The following EPB41 variants were observed in gnomAD, a reference collection of about 807,000 sequenced individuals.
The protein encoded by EPB41 is erythrocyte membrane protein band 4.1.
Under a neutral mutation model 108.0 loss-of-function variants are expected in EPB41, and 65 were observed. That is an observed-to-expected ratio of 0.60 (90% CI 0.49 to 0.74). The LOEUF (loss-of-function observed/expected upper bound fraction) is 0.74, where lower values mean the gene tolerates loss of function less well. EPB41 is among the 30% of genes least tolerant of loss of function. The probability of loss-of-function intolerance (pLI) is 0.00; values close to 1 mark genes in which losing one functional copy is unlikely to be tolerated. For synonymous variants in EPB41, 336 were observed against 358.9 expected, an observed-to-expected ratio of 0.94 and a Z score of 0.72; for missense variants, 875 against 1,037.0, an observed-to-expected ratio of 0.84 and a Z score of 2.15.
At chr1:28,950,617 C>G (rs899296151) in intron 1 of EPB41, among the ~76,000 whole-genome samples, 3 of 152,358 alleles carry the variant, frequency 2.0e-5, no homozygotes, top group Admixed American at 2.0e-4. Flanking sequence ...AGGGCCTCCC[C>G]TCTCCCTTCT....
intron 9 of EPB41, among the ~76,000 whole-genome samples, chr1:29,034,195 T>A (rs1452867220): frequency 6.6e-6 from 1 of 152,208 alleles, no homozygotes; most frequent in Admixed American, 6.5e-5. Context: ...TCCCTTAAAA[T>A]TTCAAATTCA....
At chr1:28,937,177 C>T (rs1227791691) in intron 1 of EPB41, among the ~76,000 whole-genome samples, 2 of 152,120 alleles carry the variant, frequency 1.3e-5, no homozygotes, top group African/African-American at 4.8e-5. Context: ...ATGTTGAACA[C>T]CTTTTCATGT....
chr1:29,109,858 A>G lies in EPB41; in HGVS notation c.2415+421A>G, dbSNP rs547975083. 2.0e-3 allele frequency: 532 copies of G among 261,310 alleles called. 6 individuals carry two copies. The highest frequency in any genetic ancestry group is 0.016 in the South Asian group (341 of 21,366). The allele number at this position is 261,310 out of a possible 1,614,324, so 16.2% of individuals were successfully genotyped here. ...AGACTAGCCTGACCAACATGGTAAA[A>G]CCCCGTCTCTACTAAGAATACATAA... On this transcript the variant is annotated intron_variant, in intron 18 of 20. Transcript: ENST00000343067.
intron 1 of EPB41, among the ~76,000 whole-genome samples, chr1:28,901,533 T>G (rs887800513): frequency 6.6e-6 from 1 of 151,024 alleles, no homozygotes; most frequent in Admixed American, 6.6e-5. Flanking sequence ...TATTTTTATA[T>G]TATTATTATT....
At chr1:29,109,964 G>A (rs1235673210) in intron 18 of EPB41, among the ~76,000 whole-genome samples, 1 of 152,232 alleles carries the variant, frequency 6.6e-6, no homozygotes, top group South Asian at 2.1e-4. Flanking sequence ...AACCCAGGAA[G>A]CAGAGATTAC....
At chr1:28,947,776 G>A (rs536651519) in intron 1 of EPB41, among the ~76,000 whole-genome samples, 1 of 152,276 alleles carries the variant, frequency 6.6e-6, no homozygotes, top group East Asian at 1.9e-4. Context: ...AGTGAGCTAA[G>A]ATTGCACTCC....
chr1:28,908,809 G>A (rs981236392), intron 1 of EPB41, among the ~76,000 whole-genome samples: 24 of 151,756 alleles, frequency 1.6e-4, no homozygotes, highest in African/African-American at 5.3e-4. Context: ...TGATATATCC[G>A]CTTGCTAGCT....
intron 1 of EPB41, among the ~76,000 whole-genome samples, chr1:28,959,479 A>C (rs1260556278): frequency 1.3e-5 from 2 of 152,220 alleles, no homozygotes; most frequent in South Asian, 2.1e-4. Flanking sequence ...GGCCTCCTAA[A>C]ATACTGGGAT....
chr1:29,109,594 T>A (rs765350726), intron 18 of EPB41, 157 bp downstream of exon 18: 1 of 696,264 alleles, frequency 1.4e-6, no homozygotes, highest in Non-Finnish European at 2.6e-6. Context: ...AAGGCCCTGC[T>A]GCCTTCCCCA....
chr1:28,923,355 A>G (rs2093254064), intron 1 of EPB41, among the ~76,000 whole-genome samples: 1 of 152,202 alleles, frequency 6.6e-6, no homozygotes, highest in Non-Finnish European at 1.5e-5. Flanking sequence ...TCGGCCTCCC[A>G]AAGTGCTGGG....
chr1:29,083,253 A>G (rs532937641), intron 16 of EPB41, among the ~76,000 whole-genome samples: 1 of 152,268 alleles, frequency 6.6e-6, no homozygotes, highest in South Asian at 2.1e-4. Context: ...ATGATAAAGA[A>G]TGTCACACTA....
chr1:29,081,040 T>C (rs548119612), intron 16 of EPB41, among the ~76,000 whole-genome samples: 1 of 152,294 alleles, frequency 6.6e-6, no homozygotes, highest in Admixed American at 6.5e-5. Context: ...GAGATTGCTG[T>C]CAGCTAGTCT....
intron 19 of EPB41, among the ~76,000 whole-genome samples, 174 bp downstream of exon 19, chr1:29,112,622 C>T (rs1188644007): frequency 6.6e-6 from 1 of 152,130 alleles, no homozygotes; most frequent in East Asian, 1.9e-4. Context: ...ATGGAGGCCA[C>T]AGATTGAGGA....
chr1:29,033,163 GAATT>G lies in EPB41; in HGVS notation c.1286_1289del (p.Ile429ThrfsTer9). ...CTTCTGGTTTACAAAGATAAGCTGA[GAATT>G]AACCGCTTCCCTTGGCCCAAAGTGC... On this transcript the variant is annotated frameshift_variant, in exon 9 of 21. Transcript: ENST00000343067. LOFTEE classifies it high-confidence loss of function. 1 of 1,613,936 alleles carries G rather than the reference GAATT, an allele frequency of 6.2e-7. No homozygotes were observed. Among genetic ancestry groups the G allele is most frequent in the Non-Finnish European group, 8.5e-7 (1 of 1,179,892 alleles).
In EPB41 at chr1:29,067,175, C is replaced by G. The variant is rs991857039; in HGVS notation, c.2184+2017C>G. Among the ~76,000 whole-genome samples the G allele has an allele frequency of 1.1e-4, 16 of 147,392 alleles. No individual in the cohort carries two copies. In the South Asian group the frequency reaches 2.4e-3, roughly 22 times the overall value. ...TTTGAGACCAGCCTGGCCAACATGGCGAAACCCCATCTCTACTAAAAATAC... is the reference window on the plus strand; with the variant it reads ...TTTGAGACCAGCCTGGCCAACATGGGGAAACCCCATCTCTACTAAAAATAC... On this transcript the variant is annotated intron_variant, in intron 16 of 20. Transcript: ENST00000343067.
chr1:28,973,517 A>G (rs956257587), intron 1 of EPB41, among the ~76,000 whole-genome samples: 1 of 152,064 alleles, frequency 6.6e-6, no homozygotes, highest in African/African-American at 2.4e-5. Flanking sequence ...AGCCTCCCAG[A>G]TAGCTATGAC....
Position 29,116,895 on chromosome 1 carries a change from A to G in EPB41, c.*83A>G, listed in dbSNP as rs942510521. The G allele has an allele frequency of 2.6e-5, 4 of 152,246 alleles. No homozygotes were observed. In the East Asian group the frequency reaches 7.7e-4, roughly 29 times the overall value. 9.4% of individuals were successfully genotyped at this position (152,246 alleles called of 1,614,324 possible). ...AATGATAAAGAAGCTAACCTGCCAT[A>G]GTCAGACTTCAGACTTTCAAGATTA... On this transcript the variant is annotated 3_prime_UTR_variant, in exon 21 of 21. Transcript: ENST00000343067.
At chr1:29,010,357 C>T (rs1464818225) in intron 4 of EPB41, among the ~76,000 whole-genome samples, 3 of 151,908 alleles carry the variant, frequency 2.0e-5, no homozygotes, top group Non-Finnish European at 4.4e-5. Context: ...AATAAAATGC[C>T]ACTGAAATTC....
chr1:28,928,318 G>GA (rs746842985), intron 1 of EPB41, among the ~76,000 whole-genome samples: 14 of 150,354 alleles, frequency 9.3e-5, no homozygotes, highest in South Asian at 2.1e-4. Context: ...GGTCCAGAGG[G>GA]AAAAAAAAAA....
Sources: allele counts gnomAD v4.1 joint callset (sites outside exome capture counted in the v4.1 genomes callset), GRCh38; gene constraint gnomAD v4.1.1; transcripts MANE v1.5; gene names NCBI Gene and HGNC (gene_info 2026-07-23, HGNC 2026-07-21).